LGALS9B: variants seen among roughly 807,000 people sequenced by gnomAD.
The protein encoded by LGALS9B is galectin 9B.
A neutral mutation model predicts 35.9 loss-of-function variants in LGALS9B; 8 were observed. The ratio of observed to expected loss-of-function variants is 0.22; its 90% CI spans 0.13 to 0.40. The LOEUF (loss-of-function observed/expected upper bound fraction) is 0.40, where lower values mean the gene tolerates loss of function less well. Ranked by LOEUF, LGALS9B falls within the 10% of genes least tolerant of loss-of-function variation. LGALS9B has a pLI of 1.00. For missense variants in LGALS9B, 101 were observed against 397.9 expected, an observed-to-expected ratio of 0.25 and a Z score of 6.35; for synonymous variants, 42 against 148.6, an observed-to-expected ratio of 0.28 and a Z score of 5.22.
chr17:20,460,844 T>A (rs1474138549), intron 1 of LGALS9B, among the ~76,000 whole-genome samples: 8 of 142,604 alleles, frequency 5.6e-5, no homozygotes, highest in African/African-American at 2.6e-5. Context: ...CTGGACCCCA[T>A]GCCAAGCTCC....
Position 20,467,304 on chromosome 17 carries a change from G to T in LGALS9B, c.39+128C>A, listed in dbSNP as rs1239347713. The T allele has an allele frequency of 4.9e-5, 31 of 635,100 alleles. 1 individual carries two copies. The highest frequency in any genetic ancestry group is 2.7e-4 in the African/African-American group (14 of 51,812). 39.3% of individuals were successfully genotyped at this position (635,100 alleles called of 1,614,324 possible). The stretch of plus-strand genomic sequence containing the variant: ...CAGGACGACCCCCACTGACATTTCT[G>T]CCCTGCTTGTGTTCTCTTTGGGATG... On this transcript the variant is annotated intron_variant, in intron 1 of 10. Coordinates refer to ENST00000423676, the MANE Select transcript of LGALS9B (RefSeq NM_001367292.2).
chr17:20,464,881 G>A (rs1597498548), intron 1 of LGALS9B, among the ~76,000 whole-genome samples: 1 of 152,224 alleles, frequency 6.6e-6, no homozygotes, highest in South Asian at 2.1e-4. Context: ...GTCCCTGGCT[G>A]GCAGCATTCT....
Position 20,449,813 on chromosome 17 carries a change from G to C in LGALS9B, c.*160C>G. ...CAGTCAGCTGCCTTCTCAATTCCAGGGTGGCTGTAGCCAGAAGCAGGACCA... is the reference window on the plus strand; with the variant it reads ...CAGTCAGCTGCCTTCTCAATTCCAGCGTGGCTGTAGCCAGAAGCAGGACCA... On this transcript the variant is annotated 3_prime_UTR_variant, in exon 11 of 11. Transcript: ENST00000423676. 1 of 500,526 alleles carries C rather than the reference G, an allele frequency of 2.0e-6. No individual in the cohort carries two copies. The highest frequency in any genetic ancestry group is 2.9e-5 in the East Asian group (1 of 34,366). 31.0% of individuals were successfully genotyped at this position (500,526 alleles called of 1,614,324 possible). A position where few individuals can be genotyped will look rare whatever the true frequency, so the allele number is the denominator to read the frequency against.
chr17:20,450,964 C>T (rs909742027), intron 10 of LGALS9B, among the ~76,000 whole-genome samples: 1 of 152,156 alleles, frequency 6.6e-6, no homozygotes, highest in Non-Finnish European at 1.5e-5. Flanking sequence ...CTCCCAGGCT[C>T]GCTCTATCTC....
intron 2 of LGALS9B, 22 bp downstream of exon 2, chr17:20,460,330 G>C: frequency 6.2e-7 from 1 of 1,608,812 alleles, no homozygotes; most frequent in Non-Finnish European, 8.5e-7. Context: ...GGAGTGAAAC[G>C]TTTCCATCCA....
intron 1 of LGALS9B, among the ~76,000 whole-genome samples, chr17:20,460,694 AG>A (rs1239997187): frequency 1.6e-5 from 2 of 123,174 alleles, no homozygotes; most frequent in Non-Finnish European, 3.6e-5. Flanking sequence ...AGGACGCGAC[AG>A]GGAGCTGAGC....
chr17:20,460,300 C>G, intron 2 of LGALS9B, 52 bp downstream of exon 2: 1 of 1,610,444 alleles, frequency 6.2e-7, no homozygotes, highest in Non-Finnish European at 8.5e-7. Context: ...GGCACAGTGG[C>G]TTTACTAAGG....
chr17:20,457,364 G>A (rs1044304226), intron 3 of LGALS9B: 1 of 119,970 alleles, frequency 8.3e-6, no homozygotes, highest in African/African-American at 3.1e-5. Context: ...TTGCTGCACA[G>A]ATCAACCCTT....
chr17:20,461,419 G>C (rs552904249), intron 1 of LGALS9B, among the ~76,000 whole-genome samples: 1 of 152,072 alleles, frequency 6.6e-6, no homozygotes, highest in South Asian at 2.1e-4. Flanking sequence ...TGGTCTCTCT[G>C]AGCAAAATTC....
chr17:20,460,339 C>A lies in LGALS9B; in HGVS notation c.131+13G>T. The stretch of plus-strand genomic sequence containing the variant: ...GAGGCTGGAGTGAAACGTTTCCATC[C>A]ATATACACACACCTGGTTCCACTGG... On this transcript the variant is annotated intron_variant, in intron 2 of 10. Transcript: ENST00000423676. 1.2e-6 allele frequency: 2 copies of A among 1,603,524 alleles called. No homozygotes were observed. Among genetic ancestry groups the A allele is most frequent in the Non-Finnish European group, 1.7e-6 (2 of 1,171,898 alleles).
intron 1 of LGALS9B, among the ~76,000 whole-genome samples, chr17:20,461,480 C>T (rs1303404905): frequency 4.0e-5 from 6 of 151,556 alleles, no homozygotes; most frequent in African/African-American, 1.2e-4. Context: ...GCCTCATATC[C>T]GGTGTGGTTC....
intron 1 of LGALS9B, among the ~76,000 whole-genome samples, chr17:20,466,169 G>A (rs1011986571): frequency 8.6e-5 from 13 of 151,846 alleles, no homozygotes; most frequent in East Asian, 3.9e-4. Flanking sequence ...GCCCAACACC[G>A]GCAGCCCGTT....
rs143472273 is a variant in LGALS9B, at chr17:20,461,178, A to G, written c.40-735T>C. Among the ~76,000 whole-genome samples, 485 of 151,272 alleles carry G rather than the reference A, an allele frequency of 3.2e-3. 16 individuals are homozygous for G. In the East Asian group the frequency reaches 0.09, roughly 28 times the overall value. On this transcript the variant is annotated intron_variant, in intron 1 of 10. Coordinates refer to ENST00000423676, the MANE Select transcript of LGALS9B (RefSeq NM_001367292.2). ...AAGGAGCTATGGGCCATGGTGAGGC[A>G]TGCATCGTTTTGGAGTCAGGCGGAC...
At chr17:20,467,253 G>T (rs1047967883) in intron 1 of LGALS9B, among the ~76,000 whole-genome samples, 179 bp downstream of exon 1, 1 of 146,588 alleles carries the variant, frequency 6.8e-6, no homozygotes, top group Admixed American at 6.8e-5. Context: ...CCAGGCATGA[G>T]TGAGCTCAGC....
intron 5 of LGALS9B, among the ~76,000 whole-genome samples, chr17:20,454,443 C>T (rs1215663731): frequency 2.0e-5 from 3 of 152,128 alleles, no homozygotes; most frequent in African/African-American, 7.2e-5. Flanking sequence ...ATTCCACATT[C>T]ATCCATTCTT....
At chr17:20,465,367 G>A (rs2142428717) in intron 1 of LGALS9B, among the ~76,000 whole-genome samples, 1 of 69,950 alleles carries the variant, frequency 1.4e-5, no homozygotes, top group South Asian at 5.7e-4. Context: ...GCACAAATGT[G>A]TTGTTTTAAG....
intron 3 of LGALS9B, among the ~76,000 whole-genome samples, chr17:20,457,730 T>C (rs1163271885): frequency 2.7e-5 from 4 of 149,180 alleles, no homozygotes; most frequent in African/African-American, 9.8e-5. Flanking sequence ...ACCCACCGGC[T>C]TCTCAAGCCC....
intron 4 of LGALS9B, 54 bp downstream of exon 4, chr17:20,456,507 C>A: frequency 1.3e-6 from 1 of 783,892 alleles, no homozygotes; most frequent in Non-Finnish European, 1.7e-6. Context: ...TGGGTCCCCC[C>A]AGCTGGGCCC....
intron 4 of LGALS9B, among the ~76,000 whole-genome samples, chr17:20,456,225 G>T (rs1405517278): frequency 2.0e-5 from 3 of 151,402 alleles, no homozygotes; most frequent in African/African-American, 7.3e-5. Context: ...AGATCCCACA[G>T]ATGACGAATG....
Sources: allele counts gnomAD v4.1 joint callset (sites outside exome capture counted in the v4.1 genomes callset), GRCh38; gene constraint gnomAD v4.1.1; transcripts MANE v1.5; gene names NCBI Gene and HGNC (gene_info 2026-07-23, HGNC 2026-07-21).